Variants in ABCA13 observed in about 807,000 individuals in gnomAD.
ABCA13 encodes the protein ATP-binding cassette sub-family A member 13.
In ABCA13, 476 loss-of-function variants were observed where a neutral mutation model predicts 478.7. The ratio of observed to expected loss-of-function variants is 0.99; its 90% CI spans 0.92 to 1.07. The LOEUF (loss-of-function observed/expected upper bound fraction) is 1.07. Ranked by LOEUF, ABCA13 falls within the 50% of genes least tolerant of loss-of-function variation. ABCA13 has a pLI of 0.00. For synonymous variants in ABCA13, 2,252 were observed against 2,158.9 expected (o/e 1.04, Z -1.20); for missense variants, 6,060 against 5,910.6 (o/e 1.03, Z -0.83).
chr7:48,203,629 T>A (rs958791272), intron 3 of ABCA13, among the ~76,000 whole-genome samples: 1 of 152,190 alleles, frequency 6.6e-6, no homozygotes, highest in African/African-American at 2.4e-5. Context: ...ACAAGAGGAT[T>A]TCAGAGCAGA....
At chr7:48,201,876 C>T (rs968728849) in intron 3 of ABCA13, among the ~76,000 whole-genome samples, 1 of 152,060 alleles carries the variant, frequency 6.6e-6, no homozygotes, top group African/African-American at 2.4e-5. Flanking sequence ...GAGTTTGTTC[C>T]TTCTGATGTT....
intron 2 of ABCA13, among the ~76,000 whole-genome samples, chr7:48,194,000 GATAGCGATGAA>G: frequency 6.8e-6 from 1 of 146,282 alleles, no homozygotes; most frequent in South Asian, 2.3e-4. Context: ...TGATAGTGAT[GATAGCGATGAA>G]ATGATGATGG....
chr7:48,567,982 G>A (rs2131304036), intron 55 of ABCA13, among the ~76,000 whole-genome samples: 1 of 152,260 alleles, frequency 6.6e-6, no homozygotes, highest in South Asian at 2.1e-4. Flanking sequence ...CATAGAGCAT[G>A]TGTGTGTTTA....
At chr7:48,523,907 G>A (rs933665609) in intron 53 of ABCA13, among the ~76,000 whole-genome samples, 2 of 152,100 alleles carry the variant, frequency 1.3e-5, no homozygotes, top group Non-Finnish European at 2.9e-5. Context: ...CACTTAATAA[G>A]TAAATGCCTT....
chr7:48,570,016 C>T (rs936825473), intron 55 of ABCA13, among the ~76,000 whole-genome samples: 1 of 152,026 alleles, frequency 6.6e-6, no homozygotes, highest in African/African-American at 2.4e-5. Flanking sequence ...TTTTGTTAAT[C>T]TTCTAGCATA....
intron 43 of ABCA13, among the ~76,000 whole-genome samples, chr7:48,464,211 A>G (rs1826617755): frequency 6.6e-6 from 1 of 152,212 alleles, no homozygotes; most frequent in Admixed American, 6.5e-5. Context: ...GCAACAAAAG[A>G]GGGATAGTTT....
In ABCA13 at chr7:48,396,472, T is replaced by C. The variant is rs918987798; in HGVS notation, c.11873+4333T>C. ...GCAGAGGCTCCAGGAGATGGTGCCA[T>C]GCAGCTCGGAGAGGGAAGCCAGGAT... On this transcript the variant is annotated intron_variant, in intron 38 of 61. Transcript: ENST00000435803. 3.9e-5 allele frequency among the ~76,000 whole-genome samples: 6 copies of C among 152,338 alleles called. No individual in the cohort carries two copies. In the South Asian group the frequency reaches 1.0e-3, roughly 26 times the overall value.
At chr7:48,286,560 A>G (rs919323487) in intron 19 of ABCA13, among the ~76,000 whole-genome samples, 1 of 151,538 alleles carries the variant, frequency 6.6e-6, no homozygotes, top group Non-Finnish European at 1.5e-5. Context: ...GCTGGAGTGC[A>G]GTGGTGCGAC....
In ABCA13 at chr7:48,268,987, T is replaced by G; in HGVS notation, c.2013T>G (p.Pro671=). The G allele has an allele frequency of 6.4e-7, 1 of 1,558,910 alleles. No individual in the cohort carries two copies. The highest frequency in any genetic ancestry group is 8.8e-7 in the Non-Finnish European group (1 of 1,134,304). ...AAATGTCTTTTTATTTAGCTTTTCCTGAGGAATCTCCTTGTTTTGAAGAAA... is the reference window on the plus strand; with the variant it reads ...AAATGTCTTTTTATTTAGCTTTTCCGGAGGAATCTCCTTGTTTTGAAGAAA... ...ESFQNRLLAF[P]EESPCFEENM... is the part of the protein sequence containing the mutation. The change falls in exon 16 of 62, where the codon CCT becomes CCG. Residue 671 remains proline, a synonymous_variant. Transcript: ENST00000435803.
chr7:48,640,285 G>A (rs1188389255), intron 59 of ABCA13, among the ~76,000 whole-genome samples: 2 of 152,124 alleles, frequency 1.3e-5, no homozygotes, highest in Non-Finnish European at 2.9e-5. Flanking sequence ...ATAGGCACTT[G>A]GTATAACTTG....
At chr7:48,242,927 C>G (rs545361424) in intron 10 of ABCA13, 1 of 152,356 alleles carries the variant, frequency 6.6e-6, no homozygotes, top group South Asian at 2.1e-4. Flanking sequence ...GGAAATCACA[C>G]CAGACTCTCA....
chr7:48,440,698 T>A (rs1260083660), intron 42 of ABCA13, among the ~76,000 whole-genome samples: 1 of 151,808 alleles, frequency 6.6e-6, no homozygotes, highest in Non-Finnish European at 1.5e-5. Flanking sequence ...GTTGAAGATG[T>A]ATTGCCTATA....
At chr7:48,183,794 T>C (rs1796014642) in intron 1 of ABCA13, among the ~76,000 whole-genome samples, 1 of 152,238 alleles carries the variant, frequency 6.6e-6, no homozygotes, top group Admixed American at 6.5e-5. Context: ...AGTTTATTGA[T>C]CTATTCTCCC....
chr7:48,645,471 C>A lies in ABCA13; in HGVS notation c.15136C>A (p.Pro5046Thr). The part of the protein sequence containing the change: ...QQQTLQSTLD[P>T]STDSHHTHHL... Reference sequence around the variant, plus strand: ...GCAAACTCTACAATCTACTCTTGATCCATCCACTGACAGTCACCACACACA... The same window carrying A: ...GCAAACTCTACAATCTACTCTTGATACATCCACTGACAGTCACCACACACA... Residue 5046 changes from proline to threonine, a missense_variant, in exon 62 of 62, where the codon CCA becomes ACA. Physicochemically the swap from Pro to Thr is conservative, Grantham distance 38 (BLOSUM62 -1). Coordinates refer to ENST00000435803, the MANE Select transcript of ABCA13 (RefSeq NM_152701.5). The A allele has an allele frequency of 6.3e-7, 1 of 1,589,856 alleles. No individual in the cohort carries two copies. Among genetic ancestry groups the A allele is most frequent in the East Asian group, 2.3e-5 (1 of 44,224 alleles).
At chr7:48,442,540 A>G (rs1314520804) in intron 42 of ABCA13, among the ~76,000 whole-genome samples, 1 of 152,224 alleles carries the variant, frequency 6.6e-6, no homozygotes, top group Non-Finnish European at 1.5e-5. Context: ...CAATATACAT[A>G]AATCATTGAA....
intron 59 of ABCA13, chr7:48,626,952 G>A (rs1055876107): frequency 5.2e-5 from 51 of 985,400 alleles, no homozygotes; most frequent in East Asian, 2.3e-4. Flanking sequence ...TGATTATTGC[G>A]TATGGTTGAG....
intron 29 of ABCA13, among the ~76,000 whole-genome samples, chr7:48,341,246 C>G (rs1047702175): frequency 6.6e-6 from 1 of 152,184 alleles, no homozygotes; most frequent in East Asian, 1.9e-4. Flanking sequence ...TGTGTGCCAA[C>G]ACATCACCTT....
rs147939228 is a variant in ABCA13, at chr7:48,220,480, T to C, written c.440-801T>C. 2.6e-4 allele frequency among the ~76,000 whole-genome samples: 39 copies of C among 152,318 alleles called. 2 individuals are homozygous for C. Among genetic ancestry groups the C allele is most frequent in the African/African-American group, 9.1e-4 (38 of 41,560 alleles). ...TATAATTCCTATGTAATTTTTTCTT[T>C]CTTCATGGAGTGTATACAAAACCAC... is the stretch of plus-strand genomic sequence containing the variant. On this transcript the variant is annotated intron_variant, in intron 4 of 61. Coordinates refer to ENST00000435803, the MANE Select transcript of ABCA13 (RefSeq NM_152701.5).
At chr7:48,550,050 G>A (rs1785167190) in intron 55 of ABCA13, among the ~76,000 whole-genome samples, 1 of 151,844 alleles carries the variant, frequency 6.6e-6, no homozygotes, top group African/African-American at 2.4e-5. Flanking sequence ...TTGCTGTGCA[G>A]AAGCTCTTTA....
Sources: gnomAD v4.1 joint callset for allele counts (sites outside exome capture counted in the v4.1 genomes callset) on GRCh38, gnomAD v4.1.1 for gene constraint, MANE v1.5 for transcripts, NCBI Gene and HGNC (gene_info 2026-07-23, HGNC 2026-07-21) for gene names.